The following OAS3 variants were observed in gnomAD, a reference collection of about 807,000 sequenced individuals.
The protein encoded by OAS3 is 2'-5'-oligoadenylate synthase 3.
Under a neutral mutation model 113.0 loss-of-function variants are expected in OAS3, and 107 were observed. The ratio of observed to expected loss-of-function variants is 0.95; its 90% confidence interval spans 0.81 to 1.11. The LOEUF (loss-of-function observed/expected upper bound fraction) is 1.11, where lower values mean the gene tolerates loss of function less well. OAS3 is among the 50% of genes most tolerant of loss of function. The pLI is 0.00. For synonymous variants in OAS3, 552 were observed against 573.6 expected, an observed-to-expected ratio of 0.96 and a Z score of 0.54; for missense variants, 1,258 against 1,389.1, an observed-to-expected ratio of 0.91 and a Z score of 1.50.
Position 112,970,068 on chromosome 12 carries a change from T to C in OAS3, c.*95T>C. ...AGGGTCCCCTACCAGATGAGAGAGA[T>C]TGTGTACATGTGTGTGTGAGCACAT... On this transcript the variant is annotated 3_prime_UTR_variant, in exon 16 of 16. Transcript: ENST00000228928. The C allele has an allele frequency of 3.0e-6, 4 of 1,348,974 alleles. No individual in the cohort carries two copies. The highest frequency in any genetic ancestry group is 2.9e-5 in the African/African-American group (2 of 69,386). 83.6% of individuals were successfully genotyped at this position (1,348,974 alleles called of 1,614,324 possible).
intron 6 of OAS3, 22 bp downstream of exon 6, chr12:112,949,227 A>AC: frequency 6.5e-7 from 1 of 1,542,362 alleles, no homozygotes; most frequent in Non-Finnish European, 8.7e-7. Flanking sequence ...CAGTGGAGAC[A>AC]CAGGGGGGAC....
At chr12:112,964,124 G>A (rs2043912718) in intron 10 of OAS3, 111 bp from the exon 11 acceptor site, 1 of 1,118,834 alleles carries the variant, frequency 8.9e-7, no homozygotes, top group Admixed American at 2.7e-5. Context: ...GAAGGAAAGA[G>A]GGACATGGGA....
rs767046927 is a variant in OAS3 at position 112,949,231 on chromosome 12, G to GC, written c.1374+26_1374+27insC. The GC allele has an allele frequency of 8.2e-6, 13 of 1,589,032 alleles. No homozygotes were observed. The East Asian group carries it at 2.7e-4, about 33-fold the overall frequency. On this transcript the variant is annotated intron_variant, in intron 6 of 15. Transcript: ENST00000228928. ...GTGAGTTGGGCCAGTGGAGACACAG[G>GC]GGGGACCCTATCGAGGGATCAGCGT...
At position 112,967,440 on chromosome 12, in the gene OAS3, G is replaced by A; in HGVS notation, c.2712G>A (p.Arg904=). The part of the protein sequence containing the change: ...DALGQLVSGS[R]PSSQVYVDLI... ...CAGGCCAGCTGGTCTCTGGCTCCAG[G>A]CCCAGCTCTCAAGTCTACGTCGACC... Residue 904 remains arginine (R), a synonymous_variant, in exon 13 of 16, where the codon AGG becomes AGA. Transcript: ENST00000228928. 1 of 1,612,932 alleles carries A rather than the reference G, an allele frequency of 6.2e-7. No individual in the cohort carries two copies. The highest frequency in any genetic ancestry group is 8.5e-7 in the Non-Finnish European group (1 of 1,179,504).
intron 3 of OAS3, chr12:112,945,021 TC>T (rs1227281435): frequency 1.6e-5 from 5 of 317,458 alleles, no homozygotes; most frequent in Non-Finnish European, 3.1e-5. Context: ...AAGAAGTCTT[TC>T]CCTATCCTGC....
At chr12:112,948,162 G>A (rs1248156549) in intron 5 of OAS3, 63 bp downstream of exon 5, 6 of 1,433,104 alleles carry the variant, frequency 4.2e-6, no homozygotes, top group Non-Finnish European at 5.5e-6. Context: ...AGTGTTTCCT[G>A]AGCATCTACT....
In OAS3 at chr12:112,963,305, GCCCCCAGACCCCTGGTCCTGGAC is replaced by G. The variant is rs1565981157; in HGVS notation, c.2085-4_2103del. 2 of 1,564,000 alleles carry G rather than the reference GCCCCCAGACCCCTGGTCCTGGAC, an allele frequency of 1.3e-6. No homozygotes were observed. The highest frequency in any genetic ancestry group is 2.4e-5 in the East Asian group (1 of 42,368). On this transcript the variant is annotated splice_acceptor_variant and splice_polypyrimidine_tract_variant and coding_sequence_variant and intron_variant, in exon 10 of 16. Transcript: ENST00000228928. LOFTEE classifies it high-confidence loss of function. The surrounding 1 kb of genome is among the most constrained non-coding windows in gnomAD (Gnocchi z 4.6). ...CCTTCCCCACCCACCTTCCTGCTGT[GCCCCCAGACCCCTGGTCCTGGAC>G]CCCGCTGATCCCACCTGGAACGTGG...
intron 14 of OAS3, among the ~76,000 whole-genome samples, chr12:112,968,997 A>G (rs909872785): frequency 6.6e-6 from 1 of 152,238 alleles, no homozygotes; most frequent in African/African-American, 2.4e-5. Flanking sequence ...TGATGTGTTG[A>G]AAAAGCTTCT....
rs780252672 is a variant in OAS3 at position 112,944,547 on chromosome 12, G to A, written c.532G>A (p.Gly178Ser). 6.2e-7 allele frequency: 1 copy of A among 1,614,054 alleles called. No individual in the cohort carries two copies. Among genetic ancestry groups the A allele is most frequent in the Non-Finnish European group, 8.5e-7 (1 of 1,179,900 alleles). The change falls in exon 3 of 16, where the codon GGC (glycine) becomes AGC (serine). Residue 178 changes from glycine (G) to serine (S), a missense_variant. Physicochemically the swap from Gly to Ser is moderately conservative, Grantham distance 56 (BLOSUM62 0). Coordinates refer to ENST00000228928, the MANE Select transcript of OAS3 (RefSeq NM_006187.4). The part of the protein sequence containing the change: ...STLLNSGCQG[G>S]EHAACFTELR... ...CCTCCTCAACAGTGGCTGCCAAGGG[G>A]GCGAGCATGCGGCCTGCTTCACAGA...
In OAS3 at chr12:112,950,960, G is replaced by T. The variant is rs201701503; in HGVS notation, c.1642G>T (p.Ala548Ser). 2.0e-5 allele frequency: 33 copies of T among 1,612,972 alleles called. No individual in the cohort carries two copies. The East Asian group carries it at 7.4e-4, about 36-fold the overall frequency. ...CTGGACGGATGTTAGCCTGCTGCCTGCCTTCGATGCTGTGGGTGAGGGCGC... is the reference window on the plus strand; with the variant it reads ...CTGGACGGATGTTAGCCTGCTGCCTTCCTTCGATGCTGTGGGTGAGGGCGC... ...KSWTDVSLLP[A>S]FDAVGQLSSG... Residue 548 changes from alanine to serine, a missense_variant, in exon 7 of 16, where the codon GCC becomes TCC. By Grantham distance (99) the Ala-to-Ser change is moderately conservative (BLOSUM62 1). Coordinates refer to ENST00000228928, the MANE Select transcript of OAS3 (RefSeq NM_006187.4).
At chr12:112,951,839 C>CAAAAAAAAAAAAAAAAAAAAA (rs3038125) in intron 7 of OAS3, among the ~76,000 whole-genome samples, 1 of 105,724 alleles carries the variant, frequency 9.5e-6, no homozygotes, top group Non-Finnish European at 1.9e-5. Flanking sequence ...ACTAAAAATA[C>CAAAAAAAAAAAAAAAAAAAAA]AAAAAAAAAA....
intron 12 of OAS3, among the ~76,000 whole-genome samples, chr12:112,966,575 A>AT (rs1456345212): frequency 1.3e-5 from 2 of 152,200 alleles, no homozygotes; most frequent in Admixed American, 6.5e-5. Flanking sequence ...AGAGTGAGAA[A>AT]TTCCCTTGTA....
chr12:112,944,103 T>G (rs970326932), intron 2 of OAS3, among the ~76,000 whole-genome samples: 21 of 152,148 alleles, frequency 1.4e-4, no homozygotes, highest in African/African-American at 4.8e-4. Context: ...ATATGTAGAG[T>G]GGTGTTTTGA....
chr12:112,947,239 T>C (rs1454735210), intron 4 of OAS3, among the ~76,000 whole-genome samples: 1 of 152,220 alleles, frequency 6.6e-6, no homozygotes, highest in African/African-American at 2.4e-5. Context: ...AGAAAGTGCA[T>C]GTTCTGATGA....
Position 112,964,314 on chromosome 12 carries a change from T to C in OAS3, c.2309T>C (p.Leu770Pro). ...SEFLQPNRQFLAQVNKAVDTI... is the reference protein window; with the variant it reads ...SEFLQPNRQFPAQVNKAVDTI... ...TTTCTCCAGCCCAACCGCCAGTTCCTGGCCCAGGTGAACAAGGCCGTTGAT... is the reference window on the plus strand; with the variant it reads ...TTTCTCCAGCCCAACCGCCAGTTCCCGGCCCAGGTGAACAAGGCCGTTGAT... Residue 770 changes from leucine to proline, a missense_variant, in exon 11 of 16, where the codon CTG becomes CCG. Physicochemically the swap from Leu to Pro is moderately conservative, Grantham distance 98. Coordinates refer to ENST00000228928, the MANE Select transcript of OAS3 (RefSeq NM_006187.4). 2 of 1,610,380 alleles carry C rather than the reference T, an allele frequency of 1.2e-6. No individual in the cohort carries two copies. Among genetic ancestry groups the C allele is most frequent in the Non-Finnish European group, 1.7e-6 (2 of 1,178,384 alleles).
chr12:112,950,262 A>AGGAG (rs557048985), intron 6 of OAS3, among the ~76,000 whole-genome samples: 13 of 148,376 alleles, frequency 8.8e-5, no homozygotes, highest in African/African-American at 2.9e-4. Flanking sequence ...TCCCGTGTGA[A>AGGAG]GGAGGGAGGG....
In OAS3 at chr12:112,954,257, ATTTC is replaced by A. The variant is rs1183749190; in HGVS notation, c.1657+3285_1657+3288del. 1.3e-5 allele frequency among the ~76,000 whole-genome samples: 2 copies of A among 151,806 alleles called. No individual in the cohort carries two copies. Among genetic ancestry groups the A allele is most frequent in the Admixed American group, 6.6e-5 (1 of 15,242 alleles). On this transcript the variant is annotated intron_variant, in intron 7 of 15. Coordinates refer to ENST00000228928, the MANE Select transcript of OAS3 (RefSeq NM_006187.4). The surrounding 1 kb of genome is among the most constrained non-coding windows in gnomAD (Gnocchi z 4.0). ...TTATTAAATAGGGAATCCTTTCCCC[ATTTC>A]TTGTTTGTCTGTTTGTTTGTTTGTT...
At position 112,954,262 on chromosome 12, in the gene OAS3, T is replaced by A. The variant is rs543354599; in HGVS notation, c.1657+3287T>A. Among the ~76,000 whole-genome samples the A allele has an allele frequency of 3.9e-5, 6 of 151,942 alleles. No homozygotes were observed. Among genetic ancestry groups the A allele is most frequent in the Admixed American group, 2.6e-4 (4 of 15,240 alleles). On this transcript the variant is annotated intron_variant, in intron 7 of 15. Coordinates refer to ENST00000228928, the MANE Select transcript of OAS3 (RefSeq NM_006187.4). This position sits in a 1 kb window ranked among gnomAD's most constrained non-coding sequence, Gnocchi z 4.0. ...AAATAGGGAATCCTTTCCCCATTTC[T>A]TGTTTGTCTGTTTGTTTGTTTGTTG...
At chr12:112,947,202 T>C (rs1305508248) in intron 4 of OAS3, among the ~76,000 whole-genome samples, 1 of 152,190 alleles carries the variant, frequency 6.6e-6, no homozygotes, top group African/African-American at 2.4e-5. Flanking sequence ...ACAAGTTTTA[T>C]GCGTGAATGT....
Sources: gnomAD v4.1 joint callset for allele counts (sites outside exome capture counted in the v4.1 genomes callset) on GRCh38, gnomAD v4.1.1 for gene constraint, Gnocchi (gnomAD v3.1) non-coding constraint, MANE v1.5 for transcripts, NCBI Gene and HGNC (gene_info 2026-07-23, HGNC 2026-07-21) for gene names.